The following ATRNL1 variants were observed in gnomAD, a reference collection of about 807,000 sequenced individuals.
The protein encoded by ATRNL1 is attractin like 1.
Under a neutral mutation model 182.7 loss-of-function variants are expected in ATRNL1, and 95 were observed. That is an observed-to-expected ratio of 0.52 (90% CI 0.44 to 0.62). The LOEUF (loss-of-function observed/expected upper bound fraction) is 0.62, where lower values mean the gene tolerates loss of function less well. Ranked by LOEUF, ATRNL1 falls within the 20% of genes least tolerant of loss-of-function variation. ATRNL1 has a pLI of 0.00. For synonymous variants in ATRNL1, 576 were observed against 568.3 expected (o/e 1.01, Z -0.19); for missense variants, 1,471 against 1,679.5 (o/e 0.88, Z 2.17).
intron 8 of ATRNL1, among the ~76,000 whole-genome samples, chr10:115,179,870 A>G (rs1241680666): frequency 3.3e-5 from 5 of 152,106 alleles, no homozygotes; most frequent in Admixed American, 1.3e-4. Context: ...TCTTAATGTG[A>G]AAGATTAATA....
chr10:115,295,173 G>A (rs575609768), intron 15 of ATRNL1, among the ~76,000 whole-genome samples: 1 of 151,970 alleles, frequency 6.6e-6, no homozygotes, highest in Non-Finnish European at 1.5e-5. Context: ...TGGCCTTTGG[G>A]GCTGTTTTTC....
At chr10:115,546,665 C>A (rs1852675983) in intron 25 of ATRNL1, among the ~76,000 whole-genome samples, 1 of 151,864 alleles carries the variant, frequency 6.6e-6, no homozygotes, top group Admixed American at 6.6e-5. Flanking sequence ...TCAACCTTGG[C>A]AATATTAGCA....
intron 25 of ATRNL1, among the ~76,000 whole-genome samples, chr10:115,531,702 C>T (rs1554988328): frequency 2.0e-5 from 3 of 150,994 alleles, no homozygotes; most frequent in African/African-American, 7.3e-5. Flanking sequence ...AAGTCCTTGC[C>T]CATGCCTATG....
At chr10:115,337,296 G>A (rs1450505987) in intron 19 of ATRNL1, among the ~76,000 whole-genome samples, 3 of 151,650 alleles carry the variant, frequency 2.0e-5, no homozygotes, top group Admixed American at 6.6e-5. Context: ...TGGAGAATAG[G>A]GTAACCTGCT....
intron 27 of ATRNL1, among the ~76,000 whole-genome samples, chr10:115,841,166 G>T (rs1269770099): frequency 6.6e-6 from 1 of 151,988 alleles, no homozygotes; most frequent in Non-Finnish European, 1.5e-5. Flanking sequence ...CCAACTCAGG[G>T]CAAAGCATGA....
At chr10:115,753,848 A>G (rs1948514251) in intron 27 of ATRNL1, among the ~76,000 whole-genome samples, 1 of 152,098 alleles carries the variant, frequency 6.6e-6, no homozygotes, top group Non-Finnish European at 1.5e-5. Context: ...TTGTTTCCTG[A>G]CTTTTTAATG....
intron 27 of ATRNL1, among the ~76,000 whole-genome samples, chr10:115,742,445 C>T (rs2532697): frequency 0.95 from 144,667 of 152,220 alleles, 69,157 homozygotes; most frequent in East Asian, 1. Context: ...TAATTTTTCA[C>T]GATAATTGAG....
chr10:115,664,506 A>C (rs1024633132), intron 26 of ATRNL1, among the ~76,000 whole-genome samples: 1 of 152,206 alleles, frequency 6.6e-6, no homozygotes, highest in Non-Finnish European at 1.5e-5. Flanking sequence ...TATTTTGCTT[A>C]TTAAATATAT....
chr10:115,448,098 G>A (rs1262783626), intron 21 of ATRNL1, among the ~76,000 whole-genome samples: 1 of 150,966 alleles, frequency 6.6e-6, no homozygotes, highest in Non-Finnish European at 1.5e-5. Flanking sequence ...TCATATTGTT[G>A]GCATTTTCTT....
intron 27 of ATRNL1, among the ~76,000 whole-genome samples, chr10:115,832,816 G>A (rs1950588357): frequency 6.6e-6 from 1 of 152,078 alleles, no homozygotes; most frequent in South Asian, 2.1e-4. Context: ...CTGCATCTCT[G>A]TCTCAACCTT....
At chr10:115,095,245 G>A (rs1036440152) in intron 1 of ATRNL1, among the ~76,000 whole-genome samples, 15 of 152,120 alleles carry the variant, frequency 9.9e-5, no homozygotes, top group African/African-American at 3.6e-4. Flanking sequence ...TTGTTAGGCT[G>A]ATAGCCAAAA....
At chr10:115,647,205 G>C (rs553685699) in intron 26 of ATRNL1, among the ~76,000 whole-genome samples, 75 of 152,166 alleles carry the variant, frequency 4.9e-4, no homozygotes, top group African/African-American at 1.8e-3. Context: ...ATCACTGGTG[G>C]ACATTTGGGT....
intron 27 of ATRNL1, among the ~76,000 whole-genome samples, chr10:115,846,525 G>A (rs1473654108): frequency 1.3e-5 from 2 of 151,976 alleles, no homozygotes; most frequent in African/African-American, 2.4e-5. Flanking sequence ...AATTAAAGCC[G>A]TGGTACTTAT....
intron 25 of ATRNL1, among the ~76,000 whole-genome samples, chr10:115,543,330 T>C (rs1554992625): frequency 6.6e-6 from 1 of 152,218 alleles, no homozygotes; most frequent in African/African-American, 2.4e-5. Flanking sequence ...TTAATATTCA[T>C]ATTTTTATTG....
intron 19 of ATRNL1, among the ~76,000 whole-genome samples, chr10:115,383,466 T>G (rs1474848321): frequency 6.6e-6 from 1 of 152,010 alleles, no homozygotes; most frequent in Non-Finnish European, 1.5e-5. Flanking sequence ...TATAGTTAGA[T>G]ATTTGTATAT....
chr10:115,315,084 G>A (rs1187396794), intron 17 of ATRNL1, among the ~76,000 whole-genome samples: 10 of 152,118 alleles, frequency 6.6e-5, no homozygotes, highest in African/African-American at 1.2e-4. Context: ...ATGGGCAGAC[G>A]TCACTTATAC....
At chr10:115,784,661 C>G (rs1555080034) in intron 27 of ATRNL1, among the ~76,000 whole-genome samples, 1 of 152,164 alleles carries the variant, frequency 6.6e-6, no homozygotes, top group African/African-American at 2.4e-5. Context: ...TCTCTCTTAG[C>G]TGTTGGTGGT....
intron 10 of ATRNL1, among the ~76,000 whole-genome samples, chr10:115,243,871 C>T (rs1019815461): frequency 6.6e-6 from 1 of 151,922 alleles, no homozygotes; most frequent in Non-Finnish European, 1.5e-5. Context: ...TAAAACTGTT[C>T]GGCTTTATCT....
intron 19 of ATRNL1, among the ~76,000 whole-genome samples, chr10:115,352,228 A>C (rs1856292460): frequency 1.3e-5 from 2 of 151,284 alleles, no homozygotes; most frequent in East Asian, 3.9e-4. Context: ...AAAGTTTATA[A>C]ATTTTAGTTA....
Sources: allele counts gnomAD v4.1 joint callset (sites outside exome capture counted in the v4.1 genomes callset), GRCh38; gene constraint gnomAD v4.1.1; transcripts MANE v1.5; gene names NCBI Gene and HGNC (gene_info 2026-07-23, HGNC 2026-07-21).